The following TULP4 variants were observed in gnomAD, a reference collection of about 807,000 sequenced individuals.
TULP4 encodes the protein tubby-related protein 4.
TULP4 carries 16 observed loss-of-function variants against 129.0 expected under a neutral mutation model. That is an observed-to-expected ratio of 0.12 (90% CI 0.08 to 0.19). The LOEUF (loss-of-function observed/expected upper bound fraction) is 0.19. TULP4 is among the 10% of genes least tolerant of loss of function. The pLI is 1.00. For synonymous variants in TULP4, 998 were observed against 854.0 expected, an observed-to-expected ratio of 1.17 and a Z score of -2.94; for missense variants, 1,842 against 2,059.1, an observed-to-expected ratio of 0.89 and a Z score of 2.04.
chr6:158,479,688 ATC>A lies in TULP4; in HGVS notation c.1027-62_1027-61del. 2.7e-6 allele frequency: 4 copies of A among 1,499,828 alleles called. No homozygotes were observed. The South Asian group carries it at 4.7e-5, about 18-fold the overall frequency. 92.9% of individuals were successfully genotyped at this position (1,499,828 alleles called of 1,614,324 possible). A position where few individuals can be genotyped will look rare whatever the true frequency, so the allele number is the denominator to read the frequency against. ...ATTTTGCTCGAGACAAGTGTGCATT[ATC>A]CCTTTTTGCTTCCCACAAGAGCAAA... On this transcript the variant is annotated intron_variant, in intron 6 of 13. Coordinates refer to ENST00000367097, the MANE Select transcript of TULP4 (RefSeq NM_020245.5).
chr6:158,304,185 C>G (rs1206866431), intron 1 of TULP4, among the ~76,000 whole-genome samples: 1 of 152,094 alleles, frequency 6.6e-6, no homozygotes, highest in African/African-American at 2.4e-5. Flanking sequence ...CATCCTGTCC[C>G]TAGGTTGAAC....
At chr6:158,422,845 A>G (rs1018561323) in intron 2 of TULP4, among the ~76,000 whole-genome samples, 16 of 152,258 alleles carry the variant, frequency 1.1e-4, no homozygotes, top group Non-Finnish European at 1.3e-4. Context: ...CAGGACGCCA[A>G]GGATGTTCCA....
chr6:158,320,291 A>ATGAT (rs1232843128), intron 1 of TULP4, among the ~76,000 whole-genome samples: 1 of 152,216 alleles, frequency 6.6e-6, no homozygotes, highest in Non-Finnish European at 1.5e-5. Flanking sequence ...AGGCAAAATA[A>ATGAT]TGATTATGTT....
chr6:158,274,702 AGGAGGC>A (rs1248295227), intron 1 of TULP4, among the ~76,000 whole-genome samples: 1 of 152,058 alleles, frequency 6.6e-6, no homozygotes, highest in Non-Finnish European at 1.5e-5. Context: ...GCCTGAACCC[AGGAGGC>A]GGAGCTTGCA....
At chr6:158,242,599 C>T in intron 1 of TULP4, 1 of 714,294 alleles carries the variant, frequency 1.4e-6, no homozygotes. Context: ...GAGTTATTGG[C>T]TAACAGTTTG....
At chr6:158,385,862 T>TTTTTTTTTTTTTTTTA (rs71030163) in intron 1 of TULP4, among the ~76,000 whole-genome samples, 2 of 144,378 alleles carry the variant, frequency 1.4e-5, no homozygotes, top group African/African-American at 5.1e-5. Flanking sequence ...TTTTTTTTTT[T>TTTTTTTTTTTTTTTTA]GAGAAAAAGT....
chr6:158,306,430 C>T (rs902959930), intron 1 of TULP4, among the ~76,000 whole-genome samples: 3 of 152,150 alleles, frequency 2.0e-5, no homozygotes, highest in Admixed American at 6.5e-5. Context: ...TGGCGGCATG[C>T]GCCTGTAGTC....
chr6:158,290,816 C>A (rs970705930), intron 1 of TULP4, among the ~76,000 whole-genome samples: 8 of 152,106 alleles, frequency 5.3e-5, no homozygotes, highest in Non-Finnish European at 1.2e-4. Context: ...CTACCTTCCC[C>A]CCCACATTTG....
chr6:158,488,711 C>T (rs1172846888), intron 8 of TULP4, among the ~76,000 whole-genome samples: 1 of 151,896 alleles, frequency 6.6e-6, no homozygotes, highest in Non-Finnish European at 1.5e-5. Context: ...GCACTTGGAG[C>T]CTTGAGGCAA....
chr6:158,426,758 A>G (rs766379269), intron 2 of TULP4, among the ~76,000 whole-genome samples: 7 of 152,206 alleles, frequency 4.6e-5, no homozygotes, highest in Non-Finnish European at 8.8e-5. Context: ...TCTATGAAGA[A>G]TGTCATTGGT....
chr6:158,402,035 T>G (rs1777863753), intron 1 of TULP4, among the ~76,000 whole-genome samples: 1 of 152,226 alleles, frequency 6.6e-6, no homozygotes, highest in Non-Finnish European at 1.5e-5. Flanking sequence ...TTTTTCTGTA[T>G]GCAAAATGCC....
intron 1 of TULP4, among the ~76,000 whole-genome samples, chr6:158,287,626 A>G (rs1778854745): frequency 6.6e-6 from 1 of 152,226 alleles, no homozygotes; most frequent in Admixed American, 6.5e-5. Flanking sequence ...GTAGAAGACC[A>G]TACTTACTAG....
At chr6:158,456,026 A>G (rs535152197) in intron 5 of TULP4, among the ~76,000 whole-genome samples, 1 of 152,328 alleles carries the variant, frequency 6.6e-6, no homozygotes. Flanking sequence ...TTCCATGGAA[A>G]GGAGGGAAAT....
chr6:158,496,614 A>G (rs915464016), intron 11 of TULP4, among the ~76,000 whole-genome samples: 4 of 152,340 alleles, frequency 2.6e-5, no homozygotes, highest in African/African-American at 7.2e-5. Context: ...TTAGTGCCCT[A>G]TTGATTAGAT....
chr6:158,506,380 C>T (rs1427136630), intron 13 of TULP4, among the ~76,000 whole-genome samples, 198 bp from the exon 14 acceptor site: 3 of 151,594 alleles, frequency 2.0e-5, no homozygotes, highest in East Asian at 1.9e-4. Flanking sequence ...TACAGGCGCC[C>T]GCCACCACGC....
chr6:158,426,373 T>C (rs1444133970), intron 2 of TULP4, among the ~76,000 whole-genome samples: 2 of 152,256 alleles, frequency 1.3e-5, no homozygotes, highest in Non-Finnish European at 2.9e-5. Context: ...CATTTAAGTC[T>C]TTAATCTTGA....
At chr6:158,325,618 C>T (rs1779728661) in intron 1 of TULP4, among the ~76,000 whole-genome samples, 1 of 152,164 alleles carries the variant, frequency 6.6e-6, no homozygotes, top group African/African-American at 2.4e-5. Flanking sequence ...TCCCAAAGTA[C>T]TGGGGTTCAG....
At position 158,384,289 on chromosome 6, in the gene TULP4, C is replaced by CTTT. The variant is rs10634916; in HGVS notation, c.253-28765_253-28763dup. On this transcript the variant is annotated intron_variant, in intron 1 of 13. Coordinates refer to ENST00000367097, the MANE Select transcript of TULP4 (RefSeq NM_020245.5). ...GTGTAAGAACCACATGCCTGTTTAG[C>CTTT]TTTTTTTTTTTTTCTTGAGACAGAG... is the stretch of plus-strand genomic sequence containing the variant. Among the ~76,000 whole-genome samples, 1,003 of 144,408 alleles carry CTTT rather than the reference C, an allele frequency of 6.9e-3. 10 individuals are homozygous for CTTT. Among genetic ancestry groups the CTTT allele is most frequent in the South Asian group, 0.014 (66 of 4,600 alleles). The allele number at this position is 144,408 out of a possible 152,430, so 94.7% of individuals were successfully genotyped here.
chr6:158,452,200 C>T lies in TULP4; in HGVS notation c.791C>T (p.Ser264Leu), dbSNP rs150575694. ...CCTCTGCTCACCGTCAGCTTCACCT[C>T]GGGAGACATCAGCTTAATGAACAAC... Reference protein sequence around the residue: ...IKPLLTVSFTSGDISLMNNYD... With the variant: ...IKPLLTVSFTLGDISLMNNYD... The change falls in exon 5 of 14, where the codon TCG (serine) becomes TTG (leucine). Residue 264 changes from serine (S) to leucine (L), a missense_variant. This residue lies in a region of TULP4 where 456 missense variants were observed against 534.3 expected (regional missense o/e 0.85). Transcript: ENST00000367097. 1.2e-6 allele frequency: 2 copies of T among 1,614,210 alleles called. No homozygotes were observed. The highest frequency in any genetic ancestry group is 1.7e-6 in the Non-Finnish European group (2 of 1,180,038).
Sources: allele counts gnomAD v4.1 joint callset (sites outside exome capture counted in the v4.1 genomes callset), GRCh38; gene constraint gnomAD v4.1.1; regional missense constraint gnomAD v4.1.1; transcripts MANE v1.5; gene names NCBI Gene and HGNC (gene_info 2026-07-23, HGNC 2026-07-21).